Variants in PARP11 observed in about 807,000 individuals in gnomAD.
PARP11 encodes the protein poly(ADP-ribose) polymerase family member 11.
PARP11 carries 31 observed loss-of-function variants against 42.9 expected under a neutral mutation model. The observed-to-expected ratio is 0.72, with a 90% confidence interval of 0.54 to 0.98. PARP11 has a LOEUF of 0.98. Among genes scored for constraint, PARP11 ranks in the 50% least tolerant of loss-of-function variants. The probability of loss-of-function intolerance (pLI) is 0.00; values close to 1 mark genes in which losing one functional copy is unlikely to be tolerated. For synonymous variants in PARP11, 137 were observed against 127.3 expected (o/e 1.08, Z -0.51); for missense variants, 365 against 413.1 (o/e 0.88, Z 1.01).
rs1376003351 is a variant in PARP11 at position 3,815,427 on chromosome 12, AAAC to A, written c.549-1242_549-1240del. Among the ~76,000 whole-genome samples, 5 of 152,360 alleles carry A rather than the reference AAAC, an allele frequency of 3.3e-5. No individual in the cohort carries two copies. In the East Asian group the frequency reaches 9.6e-4, roughly 29 times the overall value. ...TAACAACTCAAATCACTCTTACACAAAACAACATTGCAAATTTGAACACCTACC... is the reference window on the plus strand; with the variant it reads ...TAACAACTCAAATCACTCTTACACAAAACATTGCAAATTTGAACACCTACC... On this transcript the variant is annotated intron_variant, in intron 6 of 7. Transcript: ENST00000228820.
chr12:3,869,260 A>G (rs1948437320), intron 1 of PARP11, among the ~76,000 whole-genome samples: 1 of 152,208 alleles, frequency 6.6e-6, no homozygotes, highest in African/African-American at 2.4e-5. Flanking sequence ...TCTGGGTATT[A>G]ATATGTGGAT....
chr12:3,826,782 C>A (rs1401929407), intron 3 of PARP11, among the ~76,000 whole-genome samples: 1 of 152,136 alleles, frequency 6.6e-6, no homozygotes, highest in African/African-American at 2.4e-5. Flanking sequence ...TACAAACTTA[C>A]ATAAAAAGAT....
rs1359705180 is a variant in PARP11 at position 3,811,978 on chromosome 12, A to G, written c.*145T>C. 4 of 609,108 alleles carry G rather than the reference A, an allele frequency of 6.6e-6. No homozygotes were observed. Among genetic ancestry groups the G allele is most frequent in the East Asian group, 2.9e-5 (1 of 34,908 alleles). 37.7% of individuals were successfully genotyped at this position (609,108 alleles called of 1,614,324 possible). On this transcript the variant is annotated 3_prime_UTR_variant, in exon 8 of 8. Transcript: ENST00000228820. ...AACAAAAACCAACCTTGAAGTCAGT[A>G]TGTCTTTTTATATGGAGGCCACTTT...
chr12:3,825,292 TA>T, intron 4 of PARP11, among the ~76,000 whole-genome samples: 1 of 152,234 alleles, frequency 6.6e-6, no homozygotes, highest in Non-Finnish European at 1.5e-5. Context: ...TCAGACTTCT[TA>T]TGGCCAGAGC....
At chr12:3,856,205 T>C (rs903033316) in intron 1 of PARP11, among the ~76,000 whole-genome samples, 2 of 152,280 alleles carry the variant, frequency 1.3e-5, no homozygotes, top group Admixed American at 6.5e-5. Flanking sequence ...ATTCAGGACA[T>C]AGGCATGGGC....
chr12:3,870,521 A>G (rs1315957928), intron 1 of PARP11, among the ~76,000 whole-genome samples: 1 of 152,228 alleles, frequency 6.6e-6, no homozygotes, highest in Non-Finnish European at 1.5e-5. Context: ...AAACACACAA[A>G]TAATCCAACA....
intron 1 of PARP11, among the ~76,000 whole-genome samples, chr12:3,848,961 GAA>G (rs144422778): frequency 7.4e-6 from 1 of 135,850 alleles, no homozygotes; most frequent in African/African-American, 2.7e-5. Flanking sequence ...AACAGCAAAA[GAA>G]AAAAAAAAAC....
intron 1 of PARP11, among the ~76,000 whole-genome samples, chr12:3,849,729 G>A (rs1948062823): frequency 6.6e-6 from 1 of 152,136 alleles, no homozygotes; most frequent in African/African-American, 2.4e-5. Context: ...ATAAGACCTA[G>A]AAGTGATAAG....
At chr12:3,817,937 G>A (rs796905137) in intron 6 of PARP11, among the ~76,000 whole-genome samples, 18 of 152,202 alleles carry the variant, frequency 1.2e-4, no homozygotes, top group African/African-American at 4.1e-4. Flanking sequence ...TTCCACTGGC[G>A]ATTCTGACCT....
chr12:3,839,749 GATATTGTGTATCCCGTAA>G (rs1380371282), intron 1 of PARP11: 5 of 1,121,222 alleles, frequency 4.5e-6, no homozygotes, highest in Non-Finnish European at 6.8e-6. Flanking sequence ...AAATCATTAT[GATATTGTGTATCCCGTAA>G]AGTATAAAGA....
Position 3,812,069 on chromosome 12 carries a change from C to G in PARP11, c.*54G>C. 2 of 1,356,928 alleles carry G rather than the reference C, an allele frequency of 1.5e-6. No homozygotes were observed. Among genetic ancestry groups the G allele is most frequent in the Non-Finnish European group, 2.0e-6 (2 of 991,404 alleles). 84.1% of individuals were successfully genotyped at this position (1,356,928 alleles called of 1,614,324 possible). A position where few individuals can be genotyped will look rare whatever the true frequency, so the allele number is the denominator to read the frequency against. ...AGTGGCTAGATGACTGAAGAGCAAA[C>G]CTTCCTGCAAAAAAGAATAAAGCTT... On this transcript the variant is annotated 3_prime_UTR_variant, in exon 8 of 8. Coordinates refer to ENST00000228820, the MANE Select transcript of PARP11 (RefSeq NM_020367.6).
At chr12:3,871,456 G>A (rs1197018792) in intron 1 of PARP11, among the ~76,000 whole-genome samples, 1 of 152,116 alleles carries the variant, frequency 6.6e-6, no homozygotes, top group African/African-American at 2.4e-5. Context: ...ATACTATGCT[G>A]TACAGATTTC....
At chr12:3,843,732 T>C (rs11062862) in intron 1 of PARP11, among the ~76,000 whole-genome samples, 9,030 of 152,294 alleles carry the variant, frequency 0.059, 342 homozygotes, top group East Asian at 0.18. Context: ...CATTTGGAGA[T>C]TGAACTCTGA....
At chr12:3,841,199 A>C in intron 1 of PARP11, 3 of 1,533,730 alleles carry the variant, frequency 2.0e-6, no homozygotes, top group Non-Finnish European at 2.7e-6. Context: ...GAAAAGGGAG[A>C]TCGAGCCATT....
intron 1 of PARP11, chr12:3,841,558 A>T: frequency 6.2e-7 from 1 of 1,600,704 alleles, no homozygotes. Context: ...ACCTCTGGTT[A>T]TCCCTCCATC....
chr12:3,825,482 G>A (rs551872531), intron 4 of PARP11, among the ~76,000 whole-genome samples: 3 of 152,140 alleles, frequency 2.0e-5, no homozygotes, highest in South Asian at 2.1e-4. Context: ...TAATTCTTAC[G>A]GCCCCAGTAA....
At chr12:3,835,970 G>C (rs926966686) in intron 1 of PARP11, among the ~76,000 whole-genome samples, 3 of 151,678 alleles carry the variant, frequency 2.0e-5, no homozygotes, top group Non-Finnish European at 2.9e-5. Flanking sequence ...AAAAGGCACA[G>C]GAAAAACTTT....
At chr12:3,868,189 G>A (rs950598399) in intron 1 of PARP11, among the ~76,000 whole-genome samples, 4 of 152,096 alleles carry the variant, frequency 2.6e-5, no homozygotes, top group African/African-American at 4.8e-5. Context: ...GGCCAGGCAC[G>A]GTGGTTCACG....
chr12:3,822,598 C>CAAAAAA (rs36089402), intron 4 of PARP11, among the ~76,000 whole-genome samples: 1 of 93,254 alleles, frequency 1.1e-5, no homozygotes, highest in African/African-American at 3.6e-5. Context: ...GACTCCGTCT[C>CAAAAAA]AAAAAAAAAA....
Sources: allele counts gnomAD v4.1 joint callset (sites outside exome capture counted in the v4.1 genomes callset), GRCh38; gene constraint gnomAD v4.1.1; transcripts MANE v1.5; gene names NCBI Gene and HGNC (gene_info 2026-07-23, HGNC 2026-07-21).